ITPR3: variants seen among roughly 807,000 people sequenced by gnomAD.
The protein encoded by ITPR3 is inositol 1,4,5-trisphosphate-gated calcium channel ITPR3.
In ITPR3, 173 loss-of-function variants were observed where a neutral mutation model predicts 293.2. The observed-to-expected ratio is 0.59, with a 90% CI of 0.52 to 0.67. ITPR3 has a LOEUF of 0.67. Among genes scored for constraint, ITPR3 ranks in the 30% least tolerant of loss-of-function variants. ITPR3 has a pLI of 0.00. For synonymous variants in ITPR3, 1,295 were observed against 1,444.4 expected (o/e 0.90, Z 2.35); for missense variants, 2,796 against 3,592.1 (o/e 0.78, Z 5.66).
At position 33,692,044 on chromosome 6, in the gene ITPR3, C is replaced by A; in HGVS notation, c.7458+116C>A. The A allele has an allele frequency of 7.2e-7, 1 of 1,381,710 alleles. No homozygotes were observed. Among genetic ancestry groups the A allele is most frequent in the Non-Finnish European group, 1.0e-6 (1 of 991,284 alleles). 85.6% of individuals were successfully genotyped at this position (1,381,710 alleles called of 1,614,324 possible). ...AGATATTCAGGGTTGAACCCCCTCC[C>A]CCGAACTTGTATCCACTTTTCCCTG... is the stretch of plus-strand genomic sequence containing the variant. On this transcript the variant is annotated intron_variant, in intron 54 of 57. Transcript: ENST00000605930. The surrounding 1 kb of genome is among the most constrained non-coding windows in gnomAD (Gnocchi z 4.2).
At chr6:33,635,957 T>G (rs1763811330) in intron 1 of ITPR3, among the ~76,000 whole-genome samples, 1 of 151,858 alleles carries the variant, frequency 6.6e-6, no homozygotes, top group Non-Finnish European at 1.5e-5. Context: ...TGGTGAGTTC[T>G]GAGTGGAGTG....
Position 33,675,594 on chromosome 6 carries a change from T to A in ITPR3, c.3117-97T>A, listed in dbSNP as rs921640921. ...ACTGGCCCTGCATCTGCTAATTGGG[T>A]GGCGGAGAGTGTGCTTGTGCCAGGG... On this transcript the variant is annotated intron_variant, in intron 24 of 57. Transcript: ENST00000605930. The surrounding 1 kb of genome is among the most constrained non-coding windows in gnomAD (Gnocchi z 5.0). 17 of 1,334,664 alleles carry A rather than the reference T, an allele frequency of 1.3e-5. No homozygotes were observed. The African/African-American group carries it at 2.5e-4, about 20-fold the overall frequency. The allele number at this position is 1,334,664 out of a possible 1,614,324, so 82.7% of individuals were successfully genotyped here.
chr6:33,662,728 C>G (rs1216979301), intron 8 of ITPR3, 54 bp downstream of exon 8: 1 of 1,592,176 alleles, frequency 6.3e-7, no homozygotes, highest in Non-Finnish European at 8.5e-7. Context: ...TGCCACCCCT[C>G]CCTCTTCCCC....
At position 33,666,073 on chromosome 6, in the gene ITPR3, T is replaced by G. The variant is rs910561705; in HGVS notation, c.1551+97T>G. On this transcript the variant is annotated intron_variant, in intron 14 of 57. Transcript: ENST00000605930. The surrounding 1 kb of genome is among the most constrained non-coding windows in gnomAD (Gnocchi z 5.1). The stretch of plus-strand genomic sequence containing the variant: ...CATCCCCCGCTTTAACAAAAATCAG[T>G]ATATATGGGGCACGACCACGTGCCA... 9.1e-6 allele frequency: 13 copies of G among 1,425,920 alleles called. No homozygotes were observed. The highest frequency in any genetic ancestry group is 1.3e-5 in the South Asian group (1 of 76,792). The allele number at this position is 1,425,920 out of a possible 1,614,324, so 88.3% of individuals were successfully genotyped here.
In ITPR3 at chr6:33,680,952, C is replaced by T. The variant is rs566442439; in HGVS notation, c.4476+272C>T. 1.8e-4 allele frequency among the ~76,000 whole-genome samples: 27 copies of T among 151,822 alleles called. No individual in the cohort carries two copies. In the East Asian group the frequency reaches 4.5e-3, roughly 25 times the overall value. ...TCTCCTGCCTCAGCCTCCCGAGTAG[C>T]TGGGACTACAGGTGCCCGCCACCAC... On this transcript the variant is annotated intron_variant, in intron 33 of 57. Transcript: ENST00000605930.
At position 33,672,091 on chromosome 6, in the gene ITPR3, C is replaced by G. The variant is rs760213672; in HGVS notation, c.2791C>G (p.Arg931Gly). 1 of 1,613,710 alleles carries G rather than the reference C, an allele frequency of 6.2e-7. No homozygotes were observed. The highest frequency in any genetic ancestry group is 1.7e-5 in the Admixed American group (1 of 59,994). Residue 931 changes from arginine (R) to glycine (G), a missense_variant, in exon 22 of 58, where the codon CGC becomes GGC. Physicochemically the swap from Arg to Gly is moderately radical, Grantham distance 125 (BLOSUM62 -2). Around this residue, in one of 8 missense-constraint regions of ITPR3, gnomAD observed 955 missense variants for 1,180.8 expected, o/e 0.81. Coordinates refer to ENST00000605930, the MANE Select transcript of ITPR3 (RefSeq NM_002224.4). The surrounding 1 kb of genome is among the most constrained non-coding windows in gnomAD (Gnocchi z 5.0). ...GHMMSTMVLSRKQSVFSAPSL... is the reference protein window; with the variant it reads ...GHMMSTMVLSGKQSVFSAPSL... ...CATGATGTCCACCATGGTGCTGAGC[C>G]GCAAGCAGTCCGTCTTCAGTGCCCC...
At chr6:33,668,188 A>G (rs1764664193) in intron 16 of ITPR3, among the ~76,000 whole-genome samples, 1 of 152,188 alleles carries the variant, frequency 6.6e-6, no homozygotes, top group Non-Finnish European at 1.5e-5. Flanking sequence ...TCCTTGTACC[A>G]CTAGAGGCCC....
chr6:33,684,851 G>T lies in ITPR3; in HGVS notation c.5215G>T (p.Asp1739Tyr). Residue 1739 changes from aspartate to tyrosine, a missense_variant, in exon 39 of 58, where the codon GAC becomes TAC. By Grantham distance (160) the Asp-to-Tyr change is radical. Transcript: ENST00000605930. This position sits in a 1 kb window ranked among gnomAD's most constrained non-coding sequence, Gnocchi z 4.2. ...GGAGGGGGCCACCAAGTTGGTATGC[G>T]ACCTCATCACCAGCACCAAGAACGA... ...DKEGATKLVC[D>Y]LITSTKNEKI... 6.2e-7 allele frequency: 1 copy of T among 1,614,086 alleles called. No individual in the cohort carries two copies.
intron 39 of ITPR3, 108 bp from the exon 40 acceptor site, chr6:33,685,251 G>C (rs1765193430): frequency 8.8e-7 from 1 of 1,136,084 alleles, no homozygotes. Flanking sequence ...CCTGCAGCCA[G>C]GCCCCTGCAG....
chr6:33,622,381 G>A (rs929706980), intron 1 of ITPR3, among the ~76,000 whole-genome samples: 1 of 152,320 alleles, frequency 6.6e-6, no homozygotes, highest in Admixed American at 6.5e-5. Flanking sequence ...GGTCTGGGCT[G>A]GATGAACAGG....
In ITPR3 at chr6:33,667,071, G is replaced by T. The variant is rs1397714848; in HGVS notation, c.1552-58G>T. On this transcript the variant is annotated intron_variant, in intron 14 of 57. Coordinates refer to ENST00000605930, the MANE Select transcript of ITPR3 (RefSeq NM_002224.4). The surrounding 1 kb of genome is among the most constrained non-coding windows in gnomAD (Gnocchi z 4.4). ...GGGACTCAGGGATGACTCCTGGGATGACTTAGGGGTACAGACAGGTGTTGG... is the reference window on the plus strand; with the variant it reads ...GGGACTCAGGGATGACTCCTGGGATTACTTAGGGGTACAGACAGGTGTTGG... The T allele has an allele frequency of 2.3e-5, 37 of 1,580,386 alleles. No individual in the cohort carries two copies. The highest frequency in any genetic ancestry group is 2.3e-5 in the South Asian group (2 of 86,716).
chr6:33,691,886 C>T lies in ITPR3; in HGVS notation c.7416C>T (p.Asn2472=), dbSNP rs750689163. ...CTGTCATGAACCATGGGCTACGCAA[C>T]GGTGGTGGCGTGGGCGACATTCTCC... The part of the protein sequence containing the change: ...IVTVMNHGLR[N]GGGVGDILRK... The change falls in exon 54 of 58, where the codon AAC becomes AAT. Residue 2472 remains asparagine (N), a synonymous_variant. Transcript: ENST00000605930. This position sits in a 1 kb window ranked among gnomAD's most constrained non-coding sequence, Gnocchi z 4.9. The T allele has an allele frequency of 6.2e-6, 10 of 1,614,004 alleles. No homozygotes were observed. Among genetic ancestry groups the T allele is most frequent in the African/African-American group, 1.3e-5 (1 of 74,902 alleles).
At chr6:33,695,452 C>T in intron 57 of ITPR3, 2 of 574,514 alleles carry the variant, frequency 3.5e-6, no homozygotes, top group Non-Finnish European at 3.1e-6. Context: ...GCAGTGCCTG[C>T]ATGAAGATGA....
rs1382962916 is a variant in ITPR3 at position 33,667,628 on chromosome 6, A to G, written c.1714-164A>G. Reference sequence around the variant, plus strand: ...CAGCCCACAAGCTAAATAACTATGTAATGTAAGCCACTCTTCTGCCCAGCG... The same window carrying G: ...CAGCCCACAAGCTAAATAACTATGTGATGTAAGCCACTCTTCTGCCCAGCG... On this transcript the variant is annotated intron_variant, in intron 15 of 57. Coordinates refer to ENST00000605930, the MANE Select transcript of ITPR3 (RefSeq NM_002224.4). The surrounding 1 kb of genome is among the most constrained non-coding windows in gnomAD (Gnocchi z 4.4). Among the ~76,000 whole-genome samples the G allele has an allele frequency of 6.6e-6, 1 of 152,186 alleles. No individual in the cohort carries two copies. Among genetic ancestry groups the G allele is most frequent in the Non-Finnish European group, 1.5e-5 (1 of 68,026 alleles).
At chr6:33,628,634 C>T (rs1763601856) in intron 1 of ITPR3, among the ~76,000 whole-genome samples, 1 of 152,154 alleles carries the variant, frequency 6.6e-6, no homozygotes. Context: ...GAGCCACATG[C>T]CACATTACAG....
chr6:33,659,680 C>T, intron 7 of ITPR3, 131 bp downstream of exon 7: 2 of 709,670 alleles, frequency 2.8e-6, no homozygotes, highest in South Asian at 1.7e-5. Context: ...CCCCAGCCTC[C>T]CTCCACCTCC....
Position 33,665,933 on chromosome 6 carries a change from G to A in ITPR3, c.1508G>A (p.Arg503Gln). ...VLDIMVTKPNRERQKLMREQN... is the reference protein window; with the variant it reads ...VLDIMVTKPNQERQKLMREQN... ...GACATCATGGTCACTAAGCCCAACC[G>A]GGAACGGCAGAAGCTGATGAGGGAG... Residue 503 changes from arginine to glutamine, a missense_variant, in exon 14 of 58, where the codon CGG becomes CAG. Arg to Gln is a conservative substitution (Grantham distance 43). Around this residue, in one of 8 missense-constraint regions of ITPR3, gnomAD observed 955 missense variants for 1,180.8 expected, o/e 0.81. Coordinates refer to ENST00000605930, the MANE Select transcript of ITPR3 (RefSeq NM_002224.4). 3 of 1,613,942 alleles carry A rather than the reference G, an allele frequency of 1.9e-6. No homozygotes were observed. Among genetic ancestry groups the A allele is most frequent in the Non-Finnish European group, 2.5e-6 (3 of 1,179,906 alleles).
At chr6:33,644,662 GTT>G (rs61492756) in intron 2 of ITPR3, among the ~76,000 whole-genome samples, 14,035 of 124,504 alleles carry the variant, frequency 0.11, 731 homozygotes, top group Non-Finnish European at 0.13. Flanking sequence ...CACAATATAG[GTT>G]TTTTTTTTTT....
chr6:33,634,928 C>G (rs1262510193), intron 1 of ITPR3, among the ~76,000 whole-genome samples: 1 of 152,114 alleles, frequency 6.6e-6, no homozygotes, highest in African/African-American at 2.4e-5. Flanking sequence ...GCCTCTTCCT[C>G]TTTCCCCCGC....
Sources: allele counts gnomAD v4.1 joint callset (sites outside exome capture counted in the v4.1 genomes callset), GRCh38; gene constraint gnomAD v4.1.1; regional missense constraint gnomAD v4.1.1; non-coding constraint Gnocchi (gnomAD v3.1); transcripts MANE v1.5; gene names NCBI Gene and HGNC (gene_info 2026-07-23, HGNC 2026-07-21).